FAM227B: variants seen among roughly 807,000 people sequenced by gnomAD.
FAM227B encodes the protein family with sequence similarity 227 member B.
In FAM227B, 88 loss-of-function variants were observed where a neutral mutation model predicts 73.8. That is an observed-to-expected ratio of 1.19 (90% CI 1.00 to 1.42). The LOEUF is 1.42. Ranked by LOEUF, FAM227B falls within the 40% of genes most tolerant of loss-of-function variation. The pLI is 0.00. For missense variants in FAM227B, 632 were observed against 590.9 expected (o/e 1.07, Z -0.72); for synonymous variants, 210 against 190.5 (o/e 1.10, Z -0.84).
chr15:49,590,329 TTATTTA>T (rs996978026), intron 3 of FAM227B, among the ~76,000 whole-genome samples: 5 of 152,194 alleles, frequency 3.3e-5, no homozygotes, highest in Admixed American at 6.5e-5. Flanking sequence ...CACTGATACA[TTATTTA>T]TATTTAATAC....
intron 11 of FAM227B, among the ~76,000 whole-genome samples, chr15:49,376,694 T>A (rs2046184752): frequency 6.6e-6 from 1 of 152,096 alleles, no homozygotes; most frequent in South Asian, 2.1e-4. Flanking sequence ...TAGACCATTT[T>A]GGGGAGTATT....
chr15:49,429,017 G>GTC (rs145385789), intron 11 of FAM227B, among the ~76,000 whole-genome samples: 3,712 of 152,068 alleles, frequency 0.024, 118 homozygotes, highest in South Asian at 0.16. Context: ...TAACAATAAT[G>GTC]TGTTAGAAGC....
chr15:49,576,798 G>A lies in FAM227B; in HGVS notation c.489C>T (p.Pro163=). The A allele has an allele frequency of 6.2e-7, 1 of 1,612,936 alleles. No individual in the cohort carries two copies. The highest frequency in any genetic ancestry group is 8.5e-7 in the Non-Finnish European group (1 of 1,179,310). Residue 163 remains proline, a synonymous_variant, in exon 7 of 16, where the codon CCC becomes CCT. Coordinates refer to ENST00000299338, the MANE Select transcript of FAM227B (RefSeq NM_152647.3). ...AAATTTGTTCAGCATCCAAATGTCT[G>A]GGTAGCTGAGTAAGTTCATTTGCTT... ...GFKANELTQL[P]RHLDAEQIYL... is the part of the protein sequence containing the mutation.
At chr15:49,352,600 A>C (rs1159326904) in intron 13 of FAM227B, among the ~76,000 whole-genome samples, 5 of 152,186 alleles carry the variant, frequency 3.3e-5, no homozygotes, top group African/African-American at 4.8e-5. Flanking sequence ...TGTGTTATGC[A>C]TAATTTTTTT....
At chr15:49,512,474 C>A (rs1003158487) in intron 10 of FAM227B, among the ~76,000 whole-genome samples, 1 of 152,012 alleles carries the variant, frequency 6.6e-6, no homozygotes, top group Non-Finnish European at 1.5e-5. Flanking sequence ...CTTATCATTA[C>A]CCACAATCTT....
intron 10 of FAM227B, among the ~76,000 whole-genome samples, chr15:49,535,234 G>C (rs1181404246): frequency 6.6e-6 from 1 of 151,504 alleles, no homozygotes; most frequent in Non-Finnish European, 1.5e-5. Context: ...AAAAAGGAAA[G>C]TGGAGACGTT....
intron 11 of FAM227B, among the ~76,000 whole-genome samples, chr15:49,506,014 A>T (rs2058559483): frequency 6.6e-6 from 1 of 152,078 alleles, no homozygotes; most frequent in African/African-American, 2.4e-5. Context: ...GAACTCAAAA[A>T]AAGAGAATTA....
At chr15:49,384,572 AG>A (rs2046757697) in intron 11 of FAM227B, among the ~76,000 whole-genome samples, 1 of 150,778 alleles carries the variant, frequency 6.6e-6, no homozygotes. Context: ...GGGAATTTCA[AG>A]GAATTGGAAA....
At chr15:49,420,699 G>A (rs945500238) in intron 11 of FAM227B, among the ~76,000 whole-genome samples, 11 of 151,996 alleles carry the variant, frequency 7.2e-5, no homozygotes, top group South Asian at 4.1e-4. Flanking sequence ...GATTATGAAC[G>A]AGGCAAAGTT....
Position 49,508,283 on chromosome 15 carries a change from G to C in FAM227B, c.940C>G (p.His314Asp). The C allele has an allele frequency of 6.2e-7, 1 of 1,611,294 alleles. No individual in the cohort carries two copies. ...KLKELSTTTIHGSKKAPAKSV... is the reference protein window; with the variant it reads ...KLKELSTTTIDGSKKAPAKSV... ...TTTGCAGGTGCTTTTTTGCTACCAT[G>C]AATGGTGGTTGTGGAGAGTTCTTTC... The change falls in exon 11 of 16, where the codon CAT becomes GAT. Residue 314 changes from histidine (H) to aspartate (D), a missense_variant. His to Asp is a moderately conservative substitution (Grantham distance 81). Coordinates refer to ENST00000299338, the MANE Select transcript of FAM227B (RefSeq NM_152647.3).
At chr15:49,455,781 A>G (rs2053227734) in intron 11 of FAM227B, among the ~76,000 whole-genome samples, 1 of 152,200 alleles carries the variant, frequency 6.6e-6, no homozygotes, top group African/African-American at 2.4e-5. Context: ...TATGGTCAAT[A>G]GAAGAAATTT....
At chr15:49,352,145 G>A (rs1300644093) in intron 13 of FAM227B, among the ~76,000 whole-genome samples, 1 of 152,044 alleles carries the variant, frequency 6.6e-6, no homozygotes, top group East Asian at 1.9e-4. Flanking sequence ...CTCTCCATAT[G>A]GTCTGAACTT....
intron 11 of FAM227B, among the ~76,000 whole-genome samples, chr15:49,396,966 C>G (rs1484260798): frequency 2.0e-5 from 3 of 152,182 alleles, no homozygotes; most frequent in Non-Finnish European, 4.4e-5. Context: ...GAACGCAGTT[C>G]CCCACCAGCA....
chr15:49,377,151 G>C (rs895006226), intron 11 of FAM227B, among the ~76,000 whole-genome samples: 1 of 151,758 alleles, frequency 6.6e-6, no homozygotes, highest in Non-Finnish European at 1.5e-5. Flanking sequence ...TTCTGTGCCT[G>C]GCTTATTTCA....
chr15:49,598,267 A>G (rs2076995251), intron 3 of FAM227B, among the ~76,000 whole-genome samples: 1 of 152,028 alleles, frequency 6.6e-6, no homozygotes, highest in African/African-American at 2.4e-5. Flanking sequence ...TTAATAGTTA[A>G]TTGCTAGTAC....
At position 49,365,690 on chromosome 15, in the gene FAM227B, G is replaced by A. The variant is rs2045036438; in HGVS notation, c.1271+1758C>T. The A allele has an allele frequency of 6.6e-6, 6 of 914,462 alleles. No homozygotes were observed. In the South Asian group the frequency reaches 7.8e-5, roughly 12 times the overall value. 56.6% of individuals were successfully genotyped at this position (914,462 alleles called of 1,614,324 possible). On this transcript the variant is annotated intron_variant, in intron 13 of 15. Coordinates refer to ENST00000299338, the MANE Select transcript of FAM227B (RefSeq NM_152647.3). ...CATGACTTGAAGCTGGCCAACTTCA[G>A]TGTTTTAATTAAATTCAGACAGAAA...
chr15:49,424,195 C>A, intron 11 of FAM227B: 1 of 1,048,650 alleles, frequency 9.5e-7, no homozygotes, highest in Non-Finnish European at 1.4e-6. Flanking sequence ...TTAAATCAAT[C>A]TACAATTCAC....
chr15:49,601,262 T>C (rs1313308937), intron 3 of FAM227B, among the ~76,000 whole-genome samples: 1 of 151,618 alleles, frequency 6.6e-6, no homozygotes, highest in Non-Finnish European at 1.5e-5. Flanking sequence ...TACACTTTGA[T>C]TCCTTTCTCT....
chr15:49,460,253 G>C (rs888602262), intron 11 of FAM227B, among the ~76,000 whole-genome samples: 1 of 152,054 alleles, frequency 6.6e-6, no homozygotes, highest in Non-Finnish European at 1.5e-5. Context: ...CCTAGAAGTA[G>C]GTAAGCTGCA....
Sources: gnomAD v4.1 joint callset for allele counts (sites outside exome capture counted in the v4.1 genomes callset) on GRCh38, gnomAD v4.1.1 for gene constraint, MANE v1.5 for transcripts, NCBI Gene and HGNC (gene_info 2026-07-23, HGNC 2026-07-21) for gene names.